MYH9: variants seen among roughly 807,000 people sequenced by gnomAD.
The protein encoded by MYH9 is myosin heavy chain 9, also known as myosin-9.
In MYH9, 29 loss-of-function variants were observed where a neutral mutation model predicts 241.9. That is an observed-to-expected ratio of 0.12 (90% CI 0.09 to 0.16). MYH9 has a LOEUF of 0.16. MYH9 is among the 10% of genes least tolerant of loss of function. MYH9 has a pLI of 1.00. For missense variants in MYH9, 1,803 were observed against 2,595.5 expected, an observed-to-expected ratio of 0.69 and a Z score of 6.63; for synonymous variants, 1,047 against 1,062.6, an observed-to-expected ratio of 0.99 and a Z score of 0.29.
At chr22:36,379,585 T>G (rs1315961088) in intron 1 of MYH9, among the ~76,000 whole-genome samples, 1 of 152,192 alleles carries the variant, frequency 6.6e-6, no homozygotes, top group East Asian at 1.9e-4. Context: ...GAGAAGCCCC[T>G]TTTCTCCTCT....
intron 13 of MYH9, among the ~76,000 whole-genome samples, chr22:36,312,731 G>T (rs1444983384): frequency 6.6e-6 from 1 of 152,238 alleles, no homozygotes; most frequent in Non-Finnish European, 1.5e-5. Context: ...TTTGGACACT[G>T]CAGAGAGGCT....
In MYH9 at chr22:36,327,442, C is replaced by G; in HGVS notation, c.518+19G>C. The G allele has an allele frequency of 6.2e-7, 1 of 1,613,948 alleles. No homozygotes were observed. The highest frequency in any genetic ancestry group is 8.5e-7 in the Non-Finnish European group (1 of 1,179,874). ...GACTGGGGTGAAACGAACCACTACC[C>G]AGACGGAGAAATACTTACGTGCACA... is the stretch of plus-strand genomic sequence containing the variant. On this transcript the variant is annotated intron_variant, in intron 4 of 40. Coordinates refer to ENST00000216181, the MANE Select transcript of MYH9 (RefSeq NM_002473.6).
chr22:36,326,101 A>G (rs117080042), intron 5 of MYH9, among the ~76,000 whole-genome samples: 5,860 of 151,934 alleles, frequency 0.039, 152 homozygotes, highest in South Asian at 0.06. Flanking sequence ...TGACTTTCCA[A>G]TTGCCCTTTC....
intron 3 of MYH9, among the ~76,000 whole-genome samples, chr22:36,337,976 A>T (rs1435680594): frequency 6.6e-6 from 1 of 151,960 alleles, no homozygotes; most frequent in Non-Finnish European, 1.5e-5. Context: ...AGCTATATAC[A>T]AAAAGAAGGA....
chr22:36,341,242 C>G, intron 3 of MYH9, 128 bp downstream of exon 3: 1 of 1,182,452 alleles, frequency 8.5e-7, no homozygotes, highest in East Asian at 2.4e-5. Flanking sequence ...TACAGACCTC[C>G]ATGATGCACT....
Position 36,320,998 on chromosome 22 carries a change from G to T in MYH9, c.770-102C>A. 1.1e-6 allele frequency: 1 copy of T among 923,376 alleles called. No individual in the cohort carries two copies. Among genetic ancestry groups the T allele is most frequent in the Non-Finnish European group, 1.7e-6 (1 of 595,904 alleles). The allele number at this position is 923,376 out of a possible 1,614,324, so 57.2% of individuals were successfully genotyped here. On this transcript the variant is annotated intron_variant, in intron 7 of 40. Transcript: ENST00000216181. This position sits in a 1 kb window ranked among gnomAD's most constrained non-coding sequence, Gnocchi z 4.8. ...GACAGAGTCTCGCTCTGTCACCCAG[G>T]TTGGAGTGCAGTGGCATGATCTCGG...
chr22:36,385,155 C>T (rs1252332755), intron 1 of MYH9, among the ~76,000 whole-genome samples: 3 of 149,900 alleles, frequency 2.0e-5, no homozygotes, highest in Non-Finnish European at 3.0e-5. Context: ...GCTGTCAAGG[C>T]ACGGGTTTTT....
intron 1 of MYH9, among the ~76,000 whole-genome samples, chr22:36,375,955 CTTTT>C (rs751350180): frequency 3.6e-3 from 320 of 89,090 alleles, no homozygotes; most frequent in Non-Finnish European, 5.4e-3. Context: ...TCAATAATTT[CTTTT>C]TTTTTTTTTT....
intron 1 of MYH9, among the ~76,000 whole-genome samples, chr22:36,384,916 A>G (rs2018328225): frequency 6.6e-6 from 1 of 151,946 alleles, no homozygotes. Context: ...CAGCACTGCC[A>G]GGGCTCCATT....
At chr22:36,341,314 C>CAAT in intron 3 of MYH9, 56 bp downstream of exon 3, 1 of 1,606,984 alleles carries the variant, frequency 6.2e-7, no homozygotes. Context: ...GCAAAGGTGT[C>CAAT]AATGAGGCCC....
Position 36,302,563 on chromosome 22 carries a change from C to T in MYH9, c.2499+5G>A, listed in dbSNP as rs1327883092. 3.1e-6 allele frequency: 5 copies of T among 1,611,854 alleles called. No homozygotes were observed. Among genetic ancestry groups the T allele is most frequent in the East Asian group, 2.2e-5 (1 of 44,862 alleles). On this transcript the variant is annotated splice_donor_5th_base_variant and intron_variant, in intron 20 of 40. Coordinates refer to ENST00000216181, the MANE Select transcript of MYH9 (RefSeq NM_002473.6). Reference sequence around the variant, plus strand: ...AGCTACTCAGGAGGCCCTTCTAGCACGCACCTTGGTGAAGAGCCGCCACCA... The same window carrying T: ...AGCTACTCAGGAGGCCCTTCTAGCATGCACCTTGGTGAAGAGCCGCCACCA...
At position 36,294,119 on chromosome 22, in the gene MYH9, C is replaced by G; in HGVS notation, c.3810G>C (p.Glu1270Asp). The G allele has an allele frequency of 4.3e-6, 7 of 1,610,712 alleles. No individual in the cohort carries two copies. The highest frequency in any genetic ancestry group is 5.9e-6 in the Non-Finnish European group (7 of 1,180,002). The change falls in exon 28 of 41, where the codon GAG becomes GAC. Residue 1270 changes from glutamate to aspartate, a missense_variant. Physicochemically the swap from Glu to Asp is conservative, Grantham distance 45 (BLOSUM62 2). Transcript: ENST00000216181. ...GCAGCTTGGTGACCTTGTCGGCCAG[C>G]TCTGTGCGCACGCGCTCTCCCTCGT... is the stretch of plus-strand genomic sequence containing the variant. Reference protein sequence around the residue: ...KFNEGERVRTELADKVTKLQV... With the variant: ...KFNEGERVRTDLADKVTKLQV...
chr22:36,320,160 G>T lies in MYH9; in HGVS notation c.1012+60C>A. On this transcript the variant is annotated intron_variant, in intron 9 of 40. Transcript: ENST00000216181. This position sits in a 1 kb window ranked among gnomAD's most constrained non-coding sequence, Gnocchi z 4.8. ...CCCATCGGCTACCCTGATGCCCCGA[G>T]GCCGTGGGTACCAGCCTTCCTCTGC... 1.9e-6 allele frequency: 3 copies of T among 1,610,854 alleles called. No homozygotes were observed. The highest frequency in any genetic ancestry group is 2.2e-5 in the East Asian group (1 of 44,854).
At chr22:36,297,607 G>A (rs5756132) in intron 24 of MYH9, among the ~76,000 whole-genome samples, 148,218 of 152,338 alleles carry the variant, frequency 0.97, 72,098 homozygotes, top group East Asian at 1. Flanking sequence ...ACCCCATCAC[G>A]TGATCTTGAG....
intron 1 of MYH9, among the ~76,000 whole-genome samples, chr22:36,363,332 T>C (rs1423614251): frequency 1.3e-5 from 2 of 152,160 alleles, no homozygotes; most frequent in East Asian, 3.8e-4. Flanking sequence ...TTGCCCAGGG[T>C]GCTGCAGAGA....
intron 2 of MYH9, among the ~76,000 whole-genome samples, chr22:36,342,597 T>C (rs1202444825): frequency 6.6e-6 from 1 of 151,936 alleles, no homozygotes; most frequent in East Asian, 1.9e-4. Flanking sequence ...ATAAGTTTCC[T>C]GTTACTTTTT....
chr22:36,300,963 T>C lies in MYH9; in HGVS notation c.2726A>G (p.Lys909Arg). 6.2e-7 allele frequency: 1 copy of C among 1,611,776 alleles called. No homozygotes were observed. The highest frequency in any genetic ancestry group is 1.1e-5 in the South Asian group (1 of 91,088). ...GCAGATCTCTTCTAATTCCTGCTTCTTGGCGGTCAGGCGGGCCCGGAGCTC... is the reference window on the plus strand; with the variant it reads ...GCAGATCTCTTCTAATTCCTGCTTCCTGGCGGTCAGGCGGGCCCGGAGCTC... ...AEELRARLTAKKQELEEICHD... is the reference protein window; with the variant it reads ...AEELRARLTARKQELEEICHD... Residue 909 changes from lysine to arginine, a missense_variant, in exon 22 of 41, where the codon AAG becomes AGG. Lys to Arg is a conservative substitution (Grantham distance 26, BLOSUM62 2). Around this residue, in one of 11 missense-constraint regions of MYH9, gnomAD observed 290 missense variants for 360.5 expected, o/e 0.80. Coordinates refer to ENST00000216181, the MANE Select transcript of MYH9 (RefSeq NM_002473.6). The surrounding 1 kb of genome is among the most constrained non-coding windows in gnomAD (Gnocchi z 5.0).
At chr22:36,338,774 C>G (rs1293960000) in intron 3 of MYH9, among the ~76,000 whole-genome samples, 1 of 150,446 alleles carries the variant, frequency 6.6e-6, no homozygotes, top group Non-Finnish European at 1.5e-5. Flanking sequence ...GAGCCGAGAT[C>G]GTGCCACTGC....
chr22:36,315,856 C>T lies in MYH9; in HGVS notation c.1380+661G>A, dbSNP rs573744114. On this transcript the variant is annotated intron_variant, in intron 12 of 40. Coordinates refer to ENST00000216181, the MANE Select transcript of MYH9 (RefSeq NM_002473.6). ...CACATCTAACTGAGCCTGGGCCACACCTGAGGCCCCATCTCTACAAAAAAT... is the reference window on the plus strand; with the variant it reads ...CACATCTAACTGAGCCTGGGCCACATCTGAGGCCCCATCTCTACAAAAAAT... 4.6e-4 allele frequency among the ~76,000 whole-genome samples: 70 copies of T among 151,872 alleles called. 1 individual carries two copies. The highest frequency in any genetic ancestry group is 7.9e-4 in the Non-Finnish European group (54 of 67,972).
Sources: allele counts gnomAD v4.1 joint callset (sites outside exome capture counted in the v4.1 genomes callset), GRCh38; gene constraint gnomAD v4.1.1; regional missense constraint gnomAD v4.1.1; non-coding constraint Gnocchi (gnomAD v3.1); transcripts MANE v1.5; gene names NCBI Gene and HGNC (gene_info 2026-07-23, HGNC 2026-07-21).